PACRG: variants seen among roughly 807,000 people sequenced by gnomAD.
PACRG encodes parkin coregulated, also known as parkin coregulated gene protein.
PACRG carries 29 observed loss-of-function variants against 29.7 expected under a neutral mutation model. That is an observed-to-expected ratio of 0.98 (90% confidence interval 0.73 to 1.33). PACRG has a LOEUF of 1.33. PACRG is among the 40% of genes most tolerant of loss of function. The pLI is 0.00. For synonymous variants in PACRG, 116 were observed against 118.7 expected (o/e 0.98, Z 0.15); for missense variants, 279 against 316.2 (o/e 0.88, Z 0.89).
rs73783904 is a variant in PACRG, at chr6:162,919,960, C to G, written c.291+105679C>G. 1.1e-3 allele frequency among the ~76,000 whole-genome samples: 161 copies of G among 152,240 alleles called. 1 individual carries two copies. Among genetic ancestry groups the G allele is most frequent in the African/African-American group, 3.7e-3 (155 of 41,540 alleles). On this transcript the variant is annotated intron_variant, in intron 2 of 4. Transcript: ENST00000366888. Reference sequence around the variant, plus strand: ...TAGATCTTCTAAAAAGATGATCTCTCTGCCATGCCCAGAGCACAGTAGGTC... The same window carrying G: ...TAGATCTTCTAAAAAGATGATCTCTGTGCCATGCCCAGAGCACAGTAGGTC...
chr6:163,244,379 A>G (rs1223175876), intron 4 of PACRG, among the ~76,000 whole-genome samples: 2 of 151,908 alleles, frequency 1.3e-5, no homozygotes, highest in East Asian at 3.9e-4. Context: ...GGCCAAGGAG[A>G]CCTAACGTGT....
chr6:163,021,161 C>T (rs907550425), intron 2 of PACRG, among the ~76,000 whole-genome samples: 1 of 152,198 alleles, frequency 6.6e-6, no homozygotes, highest in Non-Finnish European at 1.5e-5. Flanking sequence ...AGACACCTCC[C>T]GGGCACCAGC....
intron 4 of PACRG, among the ~76,000 whole-genome samples, chr6:163,133,579 T>C (rs1816817697): frequency 6.6e-6 from 1 of 152,186 alleles, no homozygotes; most frequent in Non-Finnish European, 1.5e-5. Flanking sequence ...GCAGGAGACG[T>C]ATTTCTCTTT....
At chr6:163,097,638 G>T (rs975462319) in intron 4 of PACRG, among the ~76,000 whole-genome samples, 14 of 152,134 alleles carry the variant, frequency 9.2e-5, no homozygotes, top group Admixed American at 2.6e-4. Flanking sequence ...TATGTGTGGG[G>T]TATACATTGG....
chr6:162,792,621 T>C (rs563383827), intron 1 of PACRG, among the ~76,000 whole-genome samples: 1 of 152,280 alleles, frequency 6.6e-6, no homozygotes, highest in South Asian at 2.1e-4. Flanking sequence ...ACTTCGTCTC[T>C]AGTCCCAGTG....
At chr6:162,932,384 AT>A (rs1797917907) in intron 2 of PACRG, among the ~76,000 whole-genome samples, 1 of 151,986 alleles carries the variant, frequency 6.6e-6, no homozygotes, top group Admixed American at 6.6e-5. Flanking sequence ...TTAATAGTAC[AT>A]TTTTCAATAT....
chr6:163,202,927 T>C (rs2128150414), intron 4 of PACRG, among the ~76,000 whole-genome samples: 1 of 152,222 alleles, frequency 6.6e-6, no homozygotes, highest in East Asian at 1.9e-4. Flanking sequence ...CTAGTCTGAT[T>C]GATAGACTGT....
At chr6:163,166,986 A>T (rs1778841107) in intron 4 of PACRG, among the ~76,000 whole-genome samples, 1 of 152,226 alleles carries the variant, frequency 6.6e-6, no homozygotes, top group South Asian at 2.1e-4. Context: ...TATCCAAATA[A>T]AGTTCAGATC....
chr6:163,071,050 A>G (rs1456327433), intron 3 of PACRG, among the ~76,000 whole-genome samples: 1 of 152,110 alleles, frequency 6.6e-6, no homozygotes, highest in Non-Finnish European at 1.5e-5. Flanking sequence ...GGTAAAGCAA[A>G]TATTATTAGA....
intron 4 of PACRG, among the ~76,000 whole-genome samples, chr6:163,151,488 CT>C (rs1778090612): frequency 6.6e-6 from 1 of 152,168 alleles, no homozygotes; most frequent in African/African-American, 2.4e-5. Context: ...CAAATAAGGC[CT>C]CCAAAGCATG....
intron 4 of PACRG, among the ~76,000 whole-genome samples, chr6:163,185,207 G>C (rs748704861): frequency 6.6e-6 from 1 of 152,010 alleles, no homozygotes; most frequent in Non-Finnish European, 1.5e-5. Flanking sequence ...GAGTGCAGCC[G>C]TACGCTGGGA....
At chr6:162,876,337 T>C (rs1171881206) in intron 2 of PACRG, among the ~76,000 whole-genome samples, 3 of 152,208 alleles carry the variant, frequency 2.0e-5, no homozygotes. Context: ...CCTCTAATAA[T>C]ACAGGAGAGA....
chr6:163,274,895 T>A (rs1250548638), intron 4 of PACRG, among the ~76,000 whole-genome samples: 1 of 145,784 alleles, frequency 6.9e-6, no homozygotes, highest in Non-Finnish European at 1.5e-5. Context: ...AGTCTCACTC[T>A]GTTGCCCAGG....
At chr6:163,164,195 G>T (rs1039212997) in intron 4 of PACRG, among the ~76,000 whole-genome samples, 1 of 152,182 alleles carries the variant, frequency 6.6e-6, no homozygotes, top group Non-Finnish European at 1.5e-5. Flanking sequence ...AGGTCACAAT[G>T]AGTAACAAAA....
At chr6:163,183,828 C>T (rs1779786217) in intron 4 of PACRG, among the ~76,000 whole-genome samples, 1 of 152,156 alleles carries the variant, frequency 6.6e-6, no homozygotes, top group South Asian at 2.1e-4. Flanking sequence ...TGTAACGAAA[C>T]TGTAGGTTTT....
intron 4 of PACRG, among the ~76,000 whole-genome samples, chr6:163,217,673 C>T (rs1414498542): frequency 6.6e-6 from 1 of 152,142 alleles, no homozygotes; most frequent in Non-Finnish European, 1.5e-5. Context: ...GCTCGCTTTA[C>T]TGCCTGAGCT....
chr6:162,849,941 A>C (rs1003635930), intron 2 of PACRG, among the ~76,000 whole-genome samples: 3 of 152,234 alleles, frequency 2.0e-5, no homozygotes, highest in Non-Finnish European at 4.4e-5. Flanking sequence ...AGAAGTTTGT[A>C]GGGTAGCATA....
At chr6:162,847,559 A>G (rs1790509767) in intron 2 of PACRG, among the ~76,000 whole-genome samples, 1 of 151,232 alleles carries the variant, frequency 6.6e-6, no homozygotes, top group Non-Finnish European at 1.5e-5. Context: ...CCTCAGTATA[A>G]AGGTGTAAGC....
intron 2 of PACRG, among the ~76,000 whole-genome samples, chr6:162,986,992 A>G (rs1802959215): frequency 6.6e-6 from 1 of 152,044 alleles, no homozygotes; most frequent in Non-Finnish European, 1.5e-5. Flanking sequence ...TAGCTTAATA[A>G]TAAACCTTCT....
Sources: gnomAD v4.1 joint callset for allele counts (sites outside exome capture counted in the v4.1 genomes callset) on GRCh38, gnomAD v4.1.1 for gene constraint, MANE v1.5 for transcripts, NCBI Gene and HGNC (gene_info 2026-07-23, HGNC 2026-07-21) for gene names.